The following KLHL18 variants were observed in gnomAD, a reference collection of about 807,000 sequenced individuals.
KLHL18 encodes kelch-like protein 18.
In KLHL18, 38 loss-of-function variants were observed where a neutral mutation model predicts 58.5. The ratio of observed to expected loss-of-function variants is 0.65; its 90% CI spans 0.50 to 0.85. KLHL18 has a LOEUF of 0.85. KLHL18 is among the 40% of genes least tolerant of loss of function. The pLI, the probability that KLHL18 is intolerant of heterozygous loss-of-function variation, is 0.00. For missense variants in KLHL18, 624 were observed against 778.4 expected, an observed-to-expected ratio of 0.80 and a Z score of 2.36; for synonymous variants, 303 against 301.9, an observed-to-expected ratio of 1.00 and a Z score of -0.04.
intron 1 of KLHL18, among the ~76,000 whole-genome samples, chr3:47,298,557 C>T (rs1397648337): frequency 6.6e-6 from 1 of 151,984 alleles, no homozygotes; most frequent in East Asian, 1.9e-4. Context: ...GAAGATTGCC[C>T]CCTTGGTGCA....
chr3:47,333,369 G>T, intron 5 of KLHL18, 52 bp downstream of exon 5: 1 of 1,549,106 alleles, frequency 6.5e-7, no homozygotes, highest in Middle Eastern at 1.8e-4. Flanking sequence ...AAGCAGGGAA[G>T]AGGAGTTGGC....
chr3:47,322,006 A>T (rs955460043), intron 2 of KLHL18, among the ~76,000 whole-genome samples: 1 of 152,218 alleles, frequency 6.6e-6, no homozygotes, highest in Non-Finnish European at 1.5e-5. Flanking sequence ...ATACAGCCTT[A>T]TAGCTGGAAT....
chr3:47,289,540 C>T (rs567479961), intron 1 of KLHL18, among the ~76,000 whole-genome samples: 1 of 152,294 alleles, frequency 6.6e-6, no homozygotes, highest in African/African-American at 2.4e-5. Context: ...GAAGTAAGGG[C>T]TTGTTGATGC....
intron 8 of KLHL18, 26 bp downstream of exon 8, chr3:47,340,702 A>G (rs1704090455): frequency 2.5e-6 from 4 of 1,613,396 alleles, no homozygotes; most frequent in Non-Finnish European, 2.5e-6. Context: ...CCCTTGGGGC[A>G]ACTGGAGCTT....
chr3:47,294,977 G>A (rs1243020820), intron 1 of KLHL18, among the ~76,000 whole-genome samples: 1 of 151,370 alleles, frequency 6.6e-6, no homozygotes, highest in Non-Finnish European at 1.5e-5. Flanking sequence ...GGAGCCGTGA[G>A]TCGAGCAGAG....
chr3:47,316,171 T>C (rs1703416953), intron 1 of KLHL18, among the ~76,000 whole-genome samples: 3 of 152,104 alleles, frequency 2.0e-5, no homozygotes, highest in Non-Finnish European at 4.4e-5. Context: ...TGAAATAATG[T>C]CTGTAGATTG....
intron 1 of KLHL18, among the ~76,000 whole-genome samples, chr3:47,285,487 C>T (rs1054748228): frequency 2.6e-5 from 4 of 151,716 alleles, no homozygotes; most frequent in Admixed American, 6.6e-5. Flanking sequence ...AAGGCCAAGG[C>T]GAGTGGATCG....
At chr3:47,311,553 A>G (rs1010939584) in intron 1 of KLHL18, among the ~76,000 whole-genome samples, 2 of 151,982 alleles carry the variant, frequency 1.3e-5, no homozygotes, top group African/African-American at 2.4e-5. Flanking sequence ...TTAGCCGAGC[A>G]TGGTGGCAGG....
chr3:47,331,600 CTT>C (rs953078035), intron 4 of KLHL18, among the ~76,000 whole-genome samples: 1 of 149,580 alleles, frequency 6.7e-6, no homozygotes, highest in Non-Finnish European at 1.5e-5. Flanking sequence ...GCCTGGCTAA[CTT>C]TTGTATTTTT....
chr3:47,285,559 A>G lies in KLHL18; in HGVS notation c.129+2465A>G, dbSNP rs569475194. On this transcript the variant is annotated intron_variant, in intron 1 of 9. Coordinates refer to ENST00000232766, the MANE Select transcript of KLHL18 (RefSeq NM_025010.5). ...TGGCAAAACCCCGTCTCTATTGGGG[A>G]AAAAAAAAAAAAGATTTAGGCTGTA... 3.4e-3 allele frequency among the ~76,000 whole-genome samples: 487 copies of G among 144,256 alleles called. 4 individuals are homozygous for G. Among genetic ancestry groups the G allele is most frequent in the Admixed American group, 0.01 (151 of 14,492 alleles). The allele number at this position is 144,256 out of a possible 152,430, so 94.6% of individuals were successfully genotyped here. A position where few individuals can be genotyped will look rare whatever the true frequency, so the allele number is the denominator to read the frequency against.
intron 1 of KLHL18, among the ~76,000 whole-genome samples, chr3:47,311,328 A>C (rs187007711): frequency 6.6e-6 from 1 of 152,238 alleles, no homozygotes; most frequent in East Asian, 1.9e-4. Context: ...TGCTTTTCAT[A>C]GCTGTTCTTG....
chr3:47,336,641 C>T lies in KLHL18; in HGVS notation c.1005C>T (p.Asn335=), dbSNP rs769163927. 1.1e-5 allele frequency: 17 copies of T among 1,614,108 alleles called. 1 individual carries two copies. The South Asian group carries it at 1.2e-4, about 11-fold the overall frequency. The part of the protein sequence containing the change: ...ARSRVGVAVV[N]GLLYAIGGYD... Reference sequence around the variant, plus strand: ...GCCGCGTTGGCGTGGCTGTGGTGAACGGGCTTCTCTATGCCATCGGAGGAT... The same window carrying T: ...GCCGCGTTGGCGTGGCTGTGGTGAATGGGCTTCTCTATGCCATCGGAGGAT... The change falls in exon 7 of 10, where the codon AAC becomes AAT. Residue 335 remains asparagine, a synonymous_variant. Coordinates refer to ENST00000232766, the MANE Select transcript of KLHL18 (RefSeq NM_025010.5).
Position 47,334,246 on chromosome 3 carries a change from G to C in KLHL18, c.762-437G>C, listed in dbSNP as rs1703933191. Among the ~76,000 whole-genome samples, 1 of 152,150 alleles carries C rather than the reference G, an allele frequency of 6.6e-6. No homozygotes were observed. Among genetic ancestry groups the C allele is most frequent in the Non-Finnish European group, 1.5e-5 (1 of 68,024 alleles). ...TGAACTCTAGTGTGGAAGTGGAATGGAGGGGCAGGCCTGAGGCAGGGAAAT... is the reference window on the plus strand; with the variant it reads ...TGAACTCTAGTGTGGAAGTGGAATGCAGGGGCAGGCCTGAGGCAGGGAAAT... On this transcript the variant is annotated intron_variant, in intron 5 of 9. Transcript: ENST00000232766. The surrounding 1 kb of genome is among the most constrained non-coding windows in gnomAD (Gnocchi z 4.7).
chr3:47,283,013 C>A lies in KLHL18; in HGVS notation c.48C>A (p.Ser16=). 6.2e-7 allele frequency: 1 copy of A among 1,610,176 alleles called. No homozygotes were observed. Among genetic ancestry groups the A allele is most frequent in the South Asian group, 1.1e-5 (1 of 90,154 alleles). Residue 16 remains serine (S), a synonymous_variant, in exon 1 of 10, where the codon TCC becomes TCA. Coordinates refer to ENST00000232766, the MANE Select transcript of KLHL18 (RefSeq NM_025010.5). ...AGCTGGAGGATCTGGTGCACTTCTC[C>A]GTGTCTGAGTTGCCTAGTCGCGGCT... The part of the protein sequence containing the change: ...AEELEDLVHF[S]VSELPSRGYG...
chr3:47,331,124 GTTGT>G (rs1391578446), intron 4 of KLHL18, among the ~76,000 whole-genome samples: 1 of 151,902 alleles, frequency 6.6e-6, no homozygotes, highest in Non-Finnish European at 1.5e-5. Context: ...AAGAGGGGTT[GTTGT>G]TTGTTTGTTT....
chr3:47,341,689 A>G (rs1704111503), intron 8 of KLHL18, among the ~76,000 whole-genome samples: 1 of 152,134 alleles, frequency 6.6e-6, no homozygotes, highest in African/African-American at 2.4e-5. Context: ...CAGCGTGTGG[A>G]TGGGAGACGG....
intron 1 of KLHL18, among the ~76,000 whole-genome samples, chr3:47,288,987 C>G (rs944358069): frequency 6.6e-6 from 1 of 152,210 alleles, no homozygotes; most frequent in Non-Finnish European, 1.5e-5. Flanking sequence ...GGCACACTTG[C>G]TAGGTTTAAT....
intron 1 of KLHL18, among the ~76,000 whole-genome samples, chr3:47,313,292 C>T (rs1703347941): frequency 6.6e-6 from 1 of 151,064 alleles, no homozygotes; most frequent in South Asian, 2.1e-4. Context: ...ATTATAACTT[C>T]CTGTAACCCC....
chr3:47,303,623 C>T (rs1703073261), intron 1 of KLHL18, among the ~76,000 whole-genome samples: 1 of 152,238 alleles, frequency 6.6e-6, no homozygotes, highest in African/African-American at 2.4e-5. Context: ...AGCTCTCGTT[C>T]TGTCACCTAG....
Sources: gnomAD v4.1 joint callset for allele counts (sites outside exome capture counted in the v4.1 genomes callset) on GRCh38, gnomAD v4.1.1 for gene constraint, Gnocchi (gnomAD v3.1) non-coding constraint, MANE v1.5 for transcripts, NCBI Gene and HGNC (gene_info 2026-07-23, HGNC 2026-07-21) for gene names.